SLC44A1: variants seen among roughly 807,000 people sequenced by gnomAD.
SLC44A1 encodes solute carrier family 44 member 1.
SLC44A1 carries 26 observed loss-of-function variants against 79.3 expected under a neutral mutation model. That is an observed-to-expected ratio of 0.33 (90% CI 0.24 to 0.46). The LOEUF (loss-of-function observed/expected upper bound fraction) is 0.46. Ranked by LOEUF, SLC44A1 falls within the 20% of genes least tolerant of loss-of-function variation. The probability of loss-of-function intolerance (pLI) is 1.00; values close to 1 mark genes in which losing one functional copy is unlikely to be tolerated. For missense variants in SLC44A1, 688 were observed against 798.1 expected, an observed-to-expected ratio of 0.86 and a Z score of 1.66; for synonymous variants, 263 against 286.2, an observed-to-expected ratio of 0.92 and a Z score of 0.82.
At chr9:105,344,713 G>T (rs1268206446) in intron 4 of SLC44A1, among the ~76,000 whole-genome samples, 1 of 152,058 alleles carries the variant, frequency 6.6e-6, no homozygotes, top group Non-Finnish European at 1.5e-5. Flanking sequence ...AGGAAATATA[G>T]GTTCCAGACA....
At chr9:105,255,937 A>G (rs1042143770) in intron 1 of SLC44A1, among the ~76,000 whole-genome samples, 7 of 152,184 alleles carry the variant, frequency 4.6e-5, no homozygotes, top group Non-Finnish European at 1.0e-4. Flanking sequence ...AATCTCCCTG[A>G]TGTTCTAATA....
At chr9:105,274,016 G>A (rs1217252996) in intron 1 of SLC44A1, among the ~76,000 whole-genome samples, 1 of 151,988 alleles carries the variant, frequency 6.6e-6, no homozygotes, top group Non-Finnish European at 1.5e-5. Context: ...ATGTTTCATG[G>A]TACTTAAAGA....
chr9:105,436,618 C>A (rs1047986760), intron 15 of SLC44A1, among the ~76,000 whole-genome samples: 33 of 152,040 alleles, frequency 2.2e-4, no homozygotes, highest in Non-Finnish European at 2.4e-4. Flanking sequence ...GGTAAGACAG[C>A]AAAGTTTAGG....
intron 3 of SLC44A1, among the ~76,000 whole-genome samples, chr9:105,324,250 A>ATTT (rs35532819): frequency 7.5e-6 from 1 of 132,608 alleles, no homozygotes. Context: ...CGTGCCCGGA[A>ATTT]TTTTTTTTTT....
intron 1 of SLC44A1, among the ~76,000 whole-genome samples, chr9:105,279,317 C>CTT (rs35697234): frequency 4.6e-4 from 61 of 133,284 alleles, no homozygotes; most frequent in African/African-American, 5.2e-4. Context: ...GAAAAGAAAA[C>CTT]TTTTTTTTTT....
At chr9:105,386,329 T>A (rs1318593701) in intron 15 of SLC44A1, 25 of 940,510 alleles carry the variant, frequency 2.7e-5, no homozygotes, top group Non-Finnish European at 2.8e-5. Context: ...CGTATTTTTT[T>A]AAATAGCATG....
At chr9:105,245,548 C>G (rs1033512054) in intron 1 of SLC44A1, among the ~76,000 whole-genome samples, 1 of 152,238 alleles carries the variant, frequency 6.6e-6, no homozygotes, top group Admixed American at 6.5e-5. Context: ...GACCCGGGCC[C>G]CGCGGCCTCC....
chr9:105,311,744 T>TA (rs1831186139), intron 3 of SLC44A1, among the ~76,000 whole-genome samples: 1 of 152,224 alleles, frequency 6.6e-6, no homozygotes, highest in African/African-American at 2.4e-5. Context: ...CATCTTCTCT[T>TA]ACTGTATGAC....
chr9:105,401,445 G>A (rs1828956651), downstream of SLC44A1, among the ~76,000 whole-genome samples: 1 of 152,108 alleles, frequency 6.6e-6, no homozygotes, highest in Admixed American at 6.5e-5. Flanking sequence ...GAATAAGGAA[G>A]GAAAGAGTCC....
chr9:105,317,270 G>T (rs906979300), intron 3 of SLC44A1, among the ~76,000 whole-genome samples: 3 of 152,134 alleles, frequency 2.0e-5, no homozygotes, highest in African/African-American at 7.2e-5. Context: ...TTGGTTGCAG[G>T]TTGTACATAT....
At chr9:105,364,786 G>A in intron 10 of SLC44A1, 66 bp downstream of exon 10, 1 of 1,325,886 alleles carries the variant, frequency 7.5e-7, no homozygotes, top group Non-Finnish European at 1.1e-6. Flanking sequence ...GGCTGGAGGG[G>A]AAGGGAATCA....
intron 15 of SLC44A1, among the ~76,000 whole-genome samples, chr9:105,388,252 C>T (rs1166374206): frequency 6.6e-6 from 1 of 152,166 alleles, no homozygotes; most frequent in Non-Finnish European, 1.5e-5. Context: ...TTAGAGTTGG[C>T]CCCTACTAAC....
At chr9:105,268,234 C>T (rs949879410) in intron 1 of SLC44A1, among the ~76,000 whole-genome samples, 6 of 152,086 alleles carry the variant, frequency 3.9e-5, no homozygotes, top group Admixed American at 3.3e-4. Flanking sequence ...ATATATTAAA[C>T]CATGAATTCC....
chr9:105,289,806 T>G (rs1336066405), intron 1 of SLC44A1, among the ~76,000 whole-genome samples: 1 of 148,452 alleles, frequency 6.7e-6, no homozygotes, highest in Non-Finnish European at 1.5e-5. Context: ...CTCAGTGTTT[T>G]TTTTTGTTTT....
intron 4 of SLC44A1, among the ~76,000 whole-genome samples, chr9:105,345,329 G>A (rs964891305): frequency 2.6e-5 from 4 of 152,152 alleles, no homozygotes; most frequent in African/African-American, 7.2e-5. Flanking sequence ...TATGTTTCAC[G>A]GATGTTGGAA....
At chr9:105,305,127 T>C (rs10991613) in intron 2 of SLC44A1, among the ~76,000 whole-genome samples, 32,978 of 151,262 alleles carry the variant, frequency 0.22, 6,447 homozygotes, top group African/African-American at 0.53. Context: ...TGTGCCACCA[T>C]GTCTGGCTAA....
At position 105,396,927 on chromosome 9, in the gene SLC44A1, G is replaced by A. The variant is rs1183925454; in HGVS notation, c.*7871G>A. On this transcript the variant is annotated 3_prime_UTR_variant, in exon 16 of 16. Coordinates refer to ENST00000374720, the MANE Select transcript of SLC44A1 (RefSeq NM_080546.5). Reference sequence around the variant, plus strand: ...TGTATTCATGTGGGGGAACAAACATGTAGGTGCTTGAACATGCCCCACAGA... The same window carrying A: ...TGTATTCATGTGGGGGAACAAACATATAGGTGCTTGAACATGCCCCACAGA... 2 of 984,998 alleles carry A rather than the reference G, an allele frequency of 2.0e-6. No homozygotes were observed. Among genetic ancestry groups the A allele is most frequent in the Non-Finnish European group, 2.4e-6 (2 of 829,686 alleles). 61.0% of individuals were successfully genotyped at this position (984,998 alleles called of 1,614,324 possible).
chr9:105,337,967 G>C (rs896792218), intron 4 of SLC44A1, among the ~76,000 whole-genome samples: 1 of 152,194 alleles, frequency 6.6e-6, no homozygotes, highest in African/African-American at 2.4e-5. Flanking sequence ...GCACAAAGTA[G>C]GTGCTCAAGA....
At chr9:105,429,230 A>G (rs12348331) in intron 15 of SLC44A1, among the ~76,000 whole-genome samples, 12,805 of 152,292 alleles carry the variant, frequency 0.084, 1,760 homozygotes, top group African/African-American at 0.29. Context: ...GAAAGGATAT[A>G]AAACCAGATT....
Sources: allele counts gnomAD v4.1 joint callset (sites outside exome capture counted in the v4.1 genomes callset), GRCh38; gene constraint gnomAD v4.1.1; transcripts MANE v1.5; gene names NCBI Gene and HGNC (gene_info 2026-07-23, HGNC 2026-07-21).